Variants in FLT1 observed in about 807,000 individuals in gnomAD.
FLT1 encodes fms related receptor tyrosine kinase 1.
In FLT1, 49 loss-of-function variants were observed where a neutral mutation model predicts 156.3. That is an observed-to-expected ratio of 0.31 (90% confidence interval 0.25 to 0.40). The LOEUF (loss-of-function observed/expected upper bound fraction) is 0.40, where lower values mean the gene tolerates loss of function less well. FLT1 is among the 10% of genes least tolerant of loss of function. The pLI is 1.00. For synonymous variants in FLT1, 594 were observed against 583.8 expected (o/e 1.02, Z -0.25); for missense variants, 1,322 against 1,637.2 (o/e 0.81, Z 3.32).
chr13:28,329,501 C>T (rs1048703552), intron 19 of FLT1, 114 bp downstream of exon 19: 71 of 761,172 alleles, frequency 9.3e-5, no homozygotes, highest in South Asian at 8.9e-4. Flanking sequence ...TTAGGGAGGC[C>T]GTTTTCCTGG....
intron 1 of FLT1, among the ~76,000 whole-genome samples, chr13:28,477,840 T>C (rs1436740948): frequency 6.6e-6 from 1 of 152,198 alleles, no homozygotes; most frequent in African/African-American, 2.4e-5. Context: ...GTTATGCTAC[T>C]CAGAAGTTGT....
chr13:28,491,567 C>T (rs1314070292), intron 1 of FLT1, among the ~76,000 whole-genome samples: 2 of 152,174 alleles, frequency 1.3e-5, no homozygotes, highest in East Asian at 1.9e-4. Flanking sequence ...CCAAAACAGC[C>T]TATTCAAGGC....
At chr13:28,358,300 G>A (rs1872979079) in intron 14 of FLT1, among the ~76,000 whole-genome samples, 1 of 152,178 alleles carries the variant, frequency 6.6e-6, no homozygotes, top group Admixed American at 6.5e-5. Flanking sequence ...TAGTGATGAA[G>A]AGTTTGCCTG....
intron 17 of FLT1, among the ~76,000 whole-genome samples, chr13:28,336,939 G>T (rs933684515): frequency 6.6e-6 from 1 of 151,740 alleles, no homozygotes; most frequent in Non-Finnish European, 1.5e-5. Flanking sequence ...GTAGAGACAG[G>T]GTTTCGCCAT....
chr13:28,303,421 C>T, intron 29 of FLT1, 53 bp from the exon 30 acceptor site: 1 of 1,501,948 alleles, frequency 6.7e-7, no homozygotes, highest in Non-Finnish European at 9.1e-7. Flanking sequence ...TTTTAGAAAA[C>T]AAAGACACTA....
intron 3 of FLT1, among the ~76,000 whole-genome samples, chr13:28,449,201 C>A (rs914145538): frequency 2.0e-5 from 3 of 152,120 alleles, no homozygotes; most frequent in Non-Finnish European, 4.4e-5. Context: ...GAGGATCAAT[C>A]GAAGCCCAGG....
At chr13:28,393,540 T>G (rs2137466286) in intron 12 of FLT1, among the ~76,000 whole-genome samples, 1 of 152,298 alleles carries the variant, frequency 6.6e-6, no homozygotes, top group East Asian at 1.9e-4. Flanking sequence ...AGTTTACCAT[T>G]TTCATCAATT....
intron 1 of FLT1, among the ~76,000 whole-genome samples, chr13:28,478,476 G>T (rs1880670765): frequency 6.6e-6 from 1 of 152,206 alleles, no homozygotes; most frequent in South Asian, 2.1e-4. Flanking sequence ...TAGAAGGAAA[G>T]TCTCACAGAA....
At chr13:28,437,309 ATCC>A (rs1046159249) in intron 4 of FLT1, among the ~76,000 whole-genome samples, 1 of 152,190 alleles carries the variant, frequency 6.6e-6, no homozygotes, top group African/African-American at 2.4e-5. Flanking sequence ...GATAAGGAGA[ATCC>A]TCCACCACAT....
intron 29 of FLT1, among the ~76,000 whole-genome samples, chr13:28,305,810 T>C (rs1870719084): frequency 6.6e-6 from 1 of 152,210 alleles, no homozygotes. Context: ...CGATTGTCAG[T>C]GTCCGTGTAT....
intron 1 of FLT1, among the ~76,000 whole-genome samples, chr13:28,480,102 G>A (rs533992267): frequency 1.3e-5 from 2 of 152,268 alleles, no homozygotes; most frequent in South Asian, 4.2e-4. Context: ...TGGACTCTTA[G>A]GTGCAATCCC....
At chr13:28,365,740 A>G (rs1206646425) in intron 14 of FLT1, among the ~76,000 whole-genome samples, 1 of 152,204 alleles carries the variant, frequency 6.6e-6, no homozygotes, top group African/African-American at 2.4e-5. Context: ...AGGATAGCCT[A>G]AGTCATTACC....
chr13:28,491,837 A>C (rs1881486305), intron 1 of FLT1, among the ~76,000 whole-genome samples: 1 of 152,254 alleles, frequency 6.6e-6, no homozygotes, highest in Non-Finnish European at 1.5e-5. Context: ...TCTTCATTTT[A>C]CATACGAAAA....
chr13:28,432,172 C>T (rs1877726987), intron 6 of FLT1, among the ~76,000 whole-genome samples: 1 of 152,026 alleles, frequency 6.6e-6, no homozygotes, highest in Admixed American at 6.6e-5. Flanking sequence ...CAATCCTTCC[C>T]CATAGTCATA....
rs111841154 is a variant in FLT1, at chr13:28,323,651, CA to C, written c.2797-706del. ...GGCCAACGAGAGCAAAACTCCATCT[CA>C]AAAAAAAAAAAAAAAGCAAAGCTTG... On this transcript the variant is annotated intron_variant, in intron 20 of 29. Transcript: ENST00000282397. Among the ~76,000 whole-genome samples the C allele has an allele frequency of 4.6e-3, 577 of 125,356 alleles. 4 individuals carry two copies. The highest frequency in any genetic ancestry group is 0.015 in the African/African-American group (487 of 31,586). 82.2% of individuals were successfully genotyped at this position (125,356 alleles called of 152,430 possible).
chr13:28,316,957 T>C (rs1871237554), intron 25 of FLT1, among the ~76,000 whole-genome samples: 1 of 152,168 alleles, frequency 6.6e-6, no homozygotes, highest in African/African-American at 2.4e-5. Flanking sequence ...AGAAGTTGTA[T>C]TGCCCACAAA....
intron 14 of FLT1, among the ~76,000 whole-genome samples, chr13:28,384,553 A>G (rs548777877): frequency 2.0e-5 from 3 of 152,294 alleles, no homozygotes; most frequent in African/African-American, 7.2e-5. Context: ...CCTCAAAGCC[A>G]AGAAACTAAC....
At chr13:28,403,765 CG>C (rs1875607607) in intron 11 of FLT1, among the ~76,000 whole-genome samples, 1 of 152,108 alleles carries the variant, frequency 6.6e-6, no homozygotes, top group South Asian at 2.1e-4. Flanking sequence ...ATCTGAAGGC[CG>C]GGTGTGGTGG....
chr13:28,349,425 TACACACACACAC>T (rs34182100), intron 15 of FLT1, among the ~76,000 whole-genome samples: 12 of 147,014 alleles, frequency 8.2e-5, no homozygotes, highest in African/African-American at 2.8e-4. Context: ...GGCCTTGCTG[TACACACACACAC>T]ACACACACAC....
Sources: allele counts gnomAD v4.1 joint callset (sites outside exome capture counted in the v4.1 genomes callset), GRCh38; gene constraint gnomAD v4.1.1; transcripts MANE v1.5; gene names NCBI Gene and HGNC (gene_info 2026-07-23, HGNC 2026-07-21).